The following DSCAM variants were observed in gnomAD, a reference collection of about 807,000 sequenced individuals.
The protein encoded by DSCAM is cell adhesion molecule DSCAM.
DSCAM carries 47 observed loss-of-function variants against 217.7 expected under a neutral mutation model. The observed-to-expected ratio is 0.22, with a 90% confidence interval of 0.17 to 0.28. The LOEUF (loss-of-function observed/expected upper bound fraction) is 0.28. Ranked by LOEUF, DSCAM falls within the 10% of genes least tolerant of loss-of-function variation. DSCAM has a pLI of 1.00. For synonymous variants in DSCAM, 1,056 were observed against 1,015.3 expected (o/e 1.04, Z -0.76); for missense variants, 2,080 against 2,618.3 (o/e 0.79, Z 4.49).
chr21:40,301,608 G>A (rs2837566), intron 9 of DSCAM, among the ~76,000 whole-genome samples: 10,273 of 127,060 alleles, frequency 0.081, 983 homozygotes, highest in East Asian at 0.26. Flanking sequence ...CCTTTATTAC[G>A]CTCATCTGGT....
At chr21:40,754,612 T>C (rs1304227719) in intron 1 of DSCAM, among the ~76,000 whole-genome samples, 1 of 152,176 alleles carries the variant, frequency 6.6e-6, no homozygotes, top group Admixed American at 6.5e-5. Context: ...TCACTGGCCG[T>C]GGCTGCTCTC....
At chr21:40,427,425 A>G (rs1225862173) in intron 3 of DSCAM, among the ~76,000 whole-genome samples, 1 of 152,210 alleles carries the variant, frequency 6.6e-6, no homozygotes, top group Non-Finnish European at 1.5e-5. Context: ...CTTTGTTACC[A>G]TGAACCAGAA....
chr21:40,378,882 C>A (rs1365868752), intron 3 of DSCAM, among the ~76,000 whole-genome samples: 2 of 151,972 alleles, frequency 1.3e-5, no homozygotes, highest in African/African-American at 2.4e-5. Context: ...CGTGAGCCAC[C>A]GCGCCCGGCC....
intron 3 of DSCAM, among the ~76,000 whole-genome samples, chr21:40,523,289 C>T (rs2076373885): frequency 6.6e-6 from 1 of 152,098 alleles, no homozygotes; most frequent in East Asian, 1.9e-4. Flanking sequence ...TTGCAATTCC[C>T]AAGACCACCC....
At chr21:40,295,094 A>G (rs8134580) in intron 10 of DSCAM, among the ~76,000 whole-genome samples, 5,686 of 152,252 alleles carry the variant, frequency 0.037, 362 homozygotes, top group African/African-American at 0.13. Context: ...TTTAAAAAAG[A>G]AAGATCTAGA....
chr21:40,838,971 A>G (rs1045068990), intron 1 of DSCAM, among the ~76,000 whole-genome samples: 1 of 152,180 alleles, frequency 6.6e-6, no homozygotes, highest in African/African-American at 2.4e-5. Flanking sequence ...AGTAACAAAT[A>G]CAGGCCTAGA....
At chr21:40,606,655 G>A (rs1374343035) in intron 3 of DSCAM, among the ~76,000 whole-genome samples, 1 of 152,204 alleles carries the variant, frequency 6.6e-6, no homozygotes, top group Non-Finnish European at 1.5e-5. Context: ...CTGGGCTGTA[G>A]TAGCTGAGCA....
At chr21:40,749,413 G>T (rs917003529) in intron 1 of DSCAM, among the ~76,000 whole-genome samples, 2 of 152,014 alleles carry the variant, frequency 1.3e-5, no homozygotes, top group African/African-American at 4.8e-5. Flanking sequence ...ATGGACAAAA[G>T]ATCTGAATAG....
chr21:40,188,032 ATGACTT>A, intron 12 of DSCAM, 45 bp from the exon 13 acceptor site: 5 of 1,516,198 alleles, frequency 3.3e-6, no homozygotes, highest in Non-Finnish European at 4.5e-6. Flanking sequence ...AGTAGGCAAA[ATGACTT>A]TGAGCCGTAA....
chr21:40,369,389 T>A, intron 3 of DSCAM, 144 bp from the exon 4 acceptor site: 1 of 359,350 alleles, frequency 2.8e-6, no homozygotes. Flanking sequence ...CGTCTGCGTG[T>A]GTGTGTGTGT....
intron 16 of DSCAM, among the ~76,000 whole-genome samples, chr21:40,152,267 C>A (rs568855949): frequency 6.6e-6 from 1 of 152,188 alleles, no homozygotes; most frequent in African/African-American, 2.4e-5. Context: ...TATTTACAAA[C>A]AACCGACTTC....
In DSCAM at chr21:40,083,969, G is replaced by T. The variant is rs1435625227; in HGVS notation, c.4170C>A (p.Thr1390=). 1.2e-6 allele frequency: 2 copies of T among 1,613,648 alleles called. No homozygotes were observed. The highest frequency in any genetic ancestry group is 1.3e-5 in the African/African-American group (1 of 74,984). ...PDQPRLTVSK[T]TSSSITLSWL... is the part of the protein sequence containing the mutation. ...AAGAAAGGGTGATGGAGGAAGACGT[G>T]GTCTTGGAGACTGTAAGCCGAGGCT... Residue 1390 remains threonine, a synonymous_variant, in exon 24 of 33, where the codon ACC becomes ACA. Coordinates refer to ENST00000400454, the MANE Select transcript of DSCAM (RefSeq NM_001389.5).
intron 3 of DSCAM, among the ~76,000 whole-genome samples, chr21:40,460,814 A>C (rs1467355304): frequency 1.3e-5 from 2 of 152,238 alleles, no homozygotes; most frequent in Non-Finnish European, 2.9e-5. Flanking sequence ...TGAATCAGCC[A>C]AAGAGATATG....
intron 3 of DSCAM, among the ~76,000 whole-genome samples, chr21:40,448,437 T>C (rs996847546): frequency 2.6e-5 from 4 of 152,176 alleles, no homozygotes; most frequent in African/African-American, 9.6e-5. Context: ...TCTCAAGCAC[T>C]GGAACTTGGA....
chr21:40,732,240 A>C (rs2091019966), intron 1 of DSCAM, among the ~76,000 whole-genome samples: 1 of 152,202 alleles, frequency 6.6e-6, no homozygotes, highest in Non-Finnish European at 1.5e-5. Context: ...GAAATCTATT[A>C]TATCACCCTA....
At chr21:40,754,711 G>A (rs2091259339) in intron 1 of DSCAM, among the ~76,000 whole-genome samples, 1 of 152,208 alleles carries the variant, frequency 6.6e-6, no homozygotes, top group Non-Finnish European at 1.5e-5. Context: ...GCCAGGAAAT[G>A]GTAAGGAGGT....
At chr21:40,297,283 A>G (rs1240773187) in intron 9 of DSCAM, among the ~76,000 whole-genome samples, 39 of 152,236 alleles carry the variant, frequency 2.6e-4, no homozygotes, top group Admixed American at 2.5e-3. Context: ...TTTTTGAGAT[A>G]AGCCATTAGG....
intron 1 of DSCAM, among the ~76,000 whole-genome samples, chr21:40,715,843 G>T (rs2090835948): frequency 6.6e-6 from 1 of 152,000 alleles, no homozygotes; most frequent in South Asian, 2.1e-4. Flanking sequence ...CCGACTGTGG[G>T]TAATTTGAAC....
intron 3 of DSCAM, among the ~76,000 whole-genome samples, chr21:40,400,161 C>A (rs886376700): frequency 6.6e-6 from 1 of 151,896 alleles, no homozygotes; most frequent in African/African-American, 2.4e-5. Flanking sequence ...TTATTGGAGA[C>A]CATAAAGAGG....
Sources: allele counts gnomAD v4.1 joint callset (sites outside exome capture counted in the v4.1 genomes callset), GRCh38; gene constraint gnomAD v4.1.1; transcripts MANE v1.5; gene names NCBI Gene and HGNC (gene_info 2026-07-23, HGNC 2026-07-21).